DCDC1: variants seen among roughly 807,000 people sequenced by gnomAD.
DCDC1 encodes the protein doublecortin domain-containing protein 1.
A neutral mutation model predicts 178.3 loss-of-function variants in DCDC1; 200 were observed. That is an observed-to-expected ratio of 1.12 (90% CI 1.00 to 1.26). The LOEUF is 1.26. DCDC1 is among the 50% of genes most tolerant of loss of function. The probability of loss-of-function intolerance (pLI) is 0.00; values close to 1 mark genes in which losing one functional copy is unlikely to be tolerated. For missense variants in DCDC1, 1,983 were observed against 1,749.2 expected (o/e 1.13, Z -2.38); for synonymous variants, 690 against 604.8 (o/e 1.14, Z -2.07).
chr11:31,355,358 C>T (rs1951285553), intron 1 of DCDC1, among the ~76,000 whole-genome samples: 1 of 152,106 alleles, frequency 6.6e-6, no homozygotes, highest in South Asian at 2.1e-4. Context: ...GGAAGTCAAA[C>T]ATTTGGCTTG....
chr11:31,039,884 C>A (rs1954315644), intron 20 of DCDC1, among the ~76,000 whole-genome samples: 1 of 152,076 alleles, frequency 6.6e-6, no homozygotes, highest in Admixed American at 6.5e-5. Context: ...CGATTTAGTT[C>A]TATCATTCCT....
chr11:31,250,791 T>C (rs1943973461), intron 8 of DCDC1, among the ~76,000 whole-genome samples: 1 of 151,686 alleles, frequency 6.6e-6, no homozygotes, highest in African/African-American at 2.4e-5. Context: ...AGTCTCGCTC[T>C]GTTGCCAGGC....
chr11:31,362,241 A>C (rs951804498), intron 1 of DCDC1, among the ~76,000 whole-genome samples: 7 of 152,196 alleles, frequency 4.6e-5, no homozygotes, highest in African/African-American at 1.7e-4. Context: ...AAATAAGAAA[A>C]CTTCAGTTGT....
intron 9 of DCDC1, among the ~76,000 whole-genome samples, chr11:31,201,766 G>C (rs546905840): frequency 2.0e-5 from 3 of 152,186 alleles, no homozygotes; most frequent in Admixed American, 1.3e-4. Context: ...GTTGGACAGG[G>C]GTTGAAAAGT....
intron 38 of DCDC1, among the ~76,000 whole-genome samples, chr11:30,869,640 T>G (rs935751700): frequency 2.6e-5 from 4 of 151,996 alleles, no homozygotes; most frequent in African/African-American, 9.7e-5. Flanking sequence ...CCCCACACAG[T>G]CATATAAAAT....
At position 31,137,555 on chromosome 11, in the gene DCDC1, G is replaced by A. The variant is rs1591178118; in HGVS notation, c.1314+137C>T. ...AGTAGAGATGGGGTTTCACCATGTT[G>A]GTCAGGCTGGTCTCAAACTCCTGAC... is the stretch of plus-strand genomic sequence containing the variant. On this transcript the variant is annotated intron_variant, in intron 10 of 38. Coordinates refer to ENST00000684477, the MANE Select transcript of DCDC1 (RefSeq NM_001387274.1). 6.0e-6 allele frequency: 3 copies of A among 499,350 alleles called. No individual in the cohort carries two copies. In the East Asian group the frequency reaches 1.0e-4, roughly 17 times the overall value. The allele number at this position is 499,350 out of a possible 1,614,324, so 30.9% of individuals were successfully genotyped here.
At chr11:31,050,252 C>A (rs949210967) in intron 20 of DCDC1, among the ~76,000 whole-genome samples, 1 of 152,072 alleles carries the variant, frequency 6.6e-6, no homozygotes, top group Admixed American at 6.6e-5. Context: ...TCCCTGACAA[C>A]CTGCATGACT....
chr11:31,209,196 T>C (rs531001191), intron 9 of DCDC1, among the ~76,000 whole-genome samples: 1 of 152,026 alleles, frequency 6.6e-6, no homozygotes, highest in Non-Finnish European at 1.5e-5. Context: ...GACACAGAGG[T>C]AGGTATAGAC....
At chr11:31,291,452 A>G (rs1947223011) in intron 6 of DCDC1, among the ~76,000 whole-genome samples, 1 of 152,048 alleles carries the variant, frequency 6.6e-6, no homozygotes, top group Admixed American at 6.5e-5. Flanking sequence ...TTTGACCTAT[A>G]CATTTTCAAA....
chr11:30,952,420 C>T, intron 21 of DCDC1, 25 bp downstream of exon 21: 5 of 1,511,880 alleles, frequency 3.3e-6, no homozygotes, highest in Non-Finnish European at 4.4e-6. Context: ...TCTCAATGAC[C>T]ATCTCTTAAG....
intron 6 of DCDC1, among the ~76,000 whole-genome samples, chr11:31,300,588 C>A (rs997190471): frequency 1.3e-5 from 2 of 151,930 alleles, no homozygotes; most frequent in African/African-American, 4.8e-5. Context: ...AGTCTAGTGT[C>A]CTTTAAAATA....
intron 9 of DCDC1, among the ~76,000 whole-genome samples, chr11:31,140,412 T>C (rs1963677397): frequency 6.6e-6 from 1 of 152,166 alleles, no homozygotes; most frequent in South Asian, 2.1e-4. Flanking sequence ...CCCTTTTAAA[T>C]ATAAGAAGGC....
At chr11:31,063,418 A>T (rs1231573638) in intron 20 of DCDC1, among the ~76,000 whole-genome samples, 3 of 152,202 alleles carry the variant, frequency 2.0e-5, no homozygotes, top group African/African-American at 2.4e-5. Flanking sequence ...TTATTGCAGC[A>T]CTATTCACAA....
chr11:30,946,342 C>T (rs1422836728), intron 21 of DCDC1, among the ~76,000 whole-genome samples: 7 of 152,170 alleles, frequency 4.6e-5, no homozygotes, highest in African/African-American at 1.7e-4. Flanking sequence ...GCTTGGCCTC[C>T]TTGTCTCTCC....
At chr11:31,126,622 C>T (rs992472911) in intron 11 of DCDC1, among the ~76,000 whole-genome samples, 21 of 152,228 alleles carry the variant, frequency 1.4e-4, no homozygotes, top group African/African-American at 5.1e-4. Context: ...AATGTTATCA[C>T]ATACCCATAA....
intron 8 of DCDC1, among the ~76,000 whole-genome samples, chr11:31,259,359 AG>A (rs1252134751): frequency 1.3e-5 from 2 of 152,176 alleles, no homozygotes; most frequent in Non-Finnish European, 2.9e-5. Context: ...ACCTCAAAAA[AG>A]AAAAATAATA....
At chr11:31,236,988 A>C (rs1976543056) in intron 9 of DCDC1, among the ~76,000 whole-genome samples, 2 of 152,014 alleles carry the variant, frequency 1.3e-5, no homozygotes, top group African/African-American at 4.8e-5. Flanking sequence ...ACAGGATCTG[A>C]AAAGACAAAC....
intron 20 of DCDC1, among the ~76,000 whole-genome samples, chr11:30,985,395 A>G (rs1409952799): frequency 6.6e-6 from 1 of 152,202 alleles, no homozygotes; most frequent in Admixed American, 6.5e-5. Context: ...AATGATAATC[A>G]TGTTAAAACA....
chr11:31,207,308 T>C (rs1289591333), intron 9 of DCDC1, among the ~76,000 whole-genome samples: 1 of 152,194 alleles, frequency 6.6e-6, no homozygotes, highest in African/African-American at 2.4e-5. Flanking sequence ...TTATACTAAA[T>C]ATTATAAAGG....
Sources: allele counts gnomAD v4.1 joint callset (sites outside exome capture counted in the v4.1 genomes callset), GRCh38; gene constraint gnomAD v4.1.1; transcripts MANE v1.5; gene names NCBI Gene and HGNC (gene_info 2026-07-23, HGNC 2026-07-21).